Variants in STAG1 observed in about 807,000 individuals in gnomAD.
The protein encoded by STAG1 is cohesin subunit SA-1.
Under a neutral mutation model 170.9 loss-of-function variants are expected in STAG1, and 26 were observed. The observed-to-expected ratio is 0.15, with a 90% CI of 0.11 to 0.21. The LOEUF (loss-of-function observed/expected upper bound fraction) is 0.21, where lower values mean the gene tolerates loss of function less well. Ranked by LOEUF, STAG1 falls within the 10% of genes least tolerant of loss-of-function variation. STAG1 has a pLI of 1.00. For synonymous variants in STAG1, 514 were observed against 497.7 expected (o/e 1.03, Z -0.44); for missense variants, 964 against 1,509.5 (o/e 0.64, Z 5.99).
intron 13 of STAG1, among the ~76,000 whole-genome samples, chr3:136,459,514 C>T (rs575503738): frequency 1.3e-5 from 2 of 152,234 alleles, no homozygotes; most frequent in South Asian, 4.1e-4. Flanking sequence ...GCATTCTAGA[C>T]CAAATGGACC....
chr3:136,706,786 AGACT>A (rs1325959496), intron 1 of STAG1, among the ~76,000 whole-genome samples: 1 of 152,192 alleles, frequency 6.6e-6, no homozygotes, highest in Non-Finnish European at 1.5e-5. Context: ...ATAAAATTTG[AGACT>A]AAAACTTTCC....
chr3:136,584,761 C>T (rs1337725474), intron 4 of STAG1, among the ~76,000 whole-genome samples: 1 of 152,188 alleles, frequency 6.6e-6, no homozygotes, highest in Admixed American at 6.6e-5. Context: ...GAATATGGGG[C>T]TTTTAACTTT....
chr3:136,700,831 G>A (rs1576782648), intron 1 of STAG1, among the ~76,000 whole-genome samples: 1 of 142,066 alleles, frequency 7.0e-6, no homozygotes, highest in Non-Finnish European at 1.5e-5. Context: ...GGTCTCTCAA[G>A]AACAACTTAA....
intron 7 of STAG1, among the ~76,000 whole-genome samples, chr3:136,513,437 A>G (rs1347652407): frequency 6.6e-6 from 1 of 152,164 alleles, no homozygotes; most frequent in Non-Finnish European, 1.5e-5. Flanking sequence ...AACATGAGGT[A>G]ACACAGTGGA....
rs1935764728 is a variant in STAG1 at position 136,337,934 on chromosome 3, T to C, written c.*320A>G. 2 of 259,376 alleles carry C rather than the reference T, an allele frequency of 7.7e-6. No individual in the cohort carries two copies. The allele number at this position is 259,376 out of a possible 1,614,324, so 16.1% of individuals were successfully genotyped here. On this transcript the variant is annotated 3_prime_UTR_variant, in exon 34 of 34. Transcript: ENST00000383202. ...TTTTCATAAAACAGGTGTATAACAG[T>C]GTTTATCTTGACAGCTGTTTTAAAA... is the stretch of plus-strand genomic sequence containing the variant.
At chr3:136,558,774 T>C (rs1339950955) in intron 5 of STAG1, among the ~76,000 whole-genome samples, 7 of 152,156 alleles carry the variant, frequency 4.6e-5, no homozygotes, top group African/African-American at 1.7e-4. Flanking sequence ...GTACGCAAAC[T>C]AGAGCATTTT....
At chr3:136,566,259 A>G (rs912190777) in intron 5 of STAG1, among the ~76,000 whole-genome samples, 19 of 152,174 alleles carry the variant, frequency 1.2e-4, no homozygotes, top group African/African-American at 4.3e-4. Flanking sequence ...GCCGTTATAA[A>G]GGGGACTCCA....
intron 1 of STAG1, among the ~76,000 whole-genome samples, chr3:136,698,864 A>G (rs953431017): frequency 6.6e-6 from 1 of 152,206 alleles, no homozygotes; most frequent in Non-Finnish European, 1.5e-5. Flanking sequence ...TATATACACC[A>G]TAAAATACTC....
rs1246490638 is a variant in STAG1, at chr3:136,337,812, C to CTT, written c.*440_*441dup. 1.3e-5 allele frequency: 2 copies of CTT among 153,840 alleles called. No homozygotes were observed. The highest frequency in any genetic ancestry group is 2.9e-5 in the Non-Finnish European group (2 of 69,018). The allele number at this position is 153,840 out of a possible 1,614,324, so 9.5% of individuals were successfully genotyped here. On this transcript the variant is annotated 3_prime_UTR_variant, in exon 34 of 34. Transcript: ENST00000383202. ...TCATAGGTTTAATAAAAATGGTTAG[C>CTT]TTTTAAAACATAAAAAGGCAAAATG...
intron 1 of STAG1, among the ~76,000 whole-genome samples, chr3:136,669,719 C>A (rs755842086): frequency 6.6e-6 from 1 of 152,036 alleles, no homozygotes; most frequent in Non-Finnish European, 1.5e-5. Context: ...AATAAAAAGA[C>A]GCCATTTCAA....
intron 1 of STAG1, among the ~76,000 whole-genome samples, chr3:136,666,678 G>A (rs536779733): frequency 3.9e-5 from 6 of 152,146 alleles, no homozygotes; most frequent in African/African-American, 1.4e-4. Context: ...AAATTAGCAA[G>A]GCATGGTGGT....
intron 1 of STAG1, among the ~76,000 whole-genome samples, chr3:136,672,113 A>C (rs1258451236): frequency 6.6e-6 from 1 of 152,230 alleles, no homozygotes; most frequent in African/African-American, 2.4e-5. Context: ...TGTTTACCAA[A>C]GCAAGGATTC....
At chr3:136,401,646 A>T (rs562452612) in intron 21 of STAG1, among the ~76,000 whole-genome samples, 3 of 152,182 alleles carry the variant, frequency 2.0e-5, no homozygotes, top group Admixed American at 2.0e-4. Flanking sequence ...GAGATGGAGT[A>T]TTGCACTGTC....
intron 26 of STAG1, 116 bp from the exon 27 acceptor site, chr3:136,359,412 G>C: frequency 1.4e-6 from 1 of 696,900 alleles, no homozygotes; most frequent in Non-Finnish European, 2.1e-6. Flanking sequence ...TTCTCTTCTT[G>C]CATTGAATTT....
chr3:136,699,570 T>C (rs1156700550), intron 1 of STAG1, among the ~76,000 whole-genome samples: 1 of 151,470 alleles, frequency 6.6e-6, no homozygotes, highest in Non-Finnish European at 1.5e-5. Flanking sequence ...TTTTTTATGG[T>C]AGATGGGGTT....
intron 6 of STAG1, among the ~76,000 whole-genome samples, chr3:136,537,504 TG>T (rs1935692765): frequency 1.4e-5 from 2 of 142,220 alleles, no homozygotes; most frequent in African/African-American, 2.5e-5. Context: ...ATTTTTTTTT[TG>T]TTTTTTTTTT....
At chr3:136,551,057 C>T (rs1936358520) in intron 5 of STAG1, among the ~76,000 whole-genome samples, 1 of 152,106 alleles carries the variant, frequency 6.6e-6, no homozygotes, top group Admixed American at 6.5e-5. Flanking sequence ...CCTCCTTCCA[C>T]ACTGTACTCC....
intron 9 of STAG1, among the ~76,000 whole-genome samples, chr3:136,484,282 GTTTTC>G: frequency 6.6e-6 from 1 of 151,884 alleles, no homozygotes; most frequent in Non-Finnish European, 1.5e-5. Flanking sequence ...CTGGTTGTTA[GTTTTC>G]CTTCTAACAG....
At chr3:136,478,886 G>C (rs1414418809) in intron 9 of STAG1, among the ~76,000 whole-genome samples, 1 of 152,036 alleles carries the variant, frequency 6.6e-6, no homozygotes, top group Admixed American at 6.6e-5. Flanking sequence ...TACTAGCTGT[G>C]TGACCTTGGG....
Sources: gnomAD v4.1 joint callset for allele counts (sites outside exome capture counted in the v4.1 genomes callset) on GRCh38, gnomAD v4.1.1 for gene constraint, MANE v1.5 for transcripts, NCBI Gene and HGNC (gene_info 2026-07-23, HGNC 2026-07-21) for gene names.